Variants in RABGAP1L observed in about 807,000 individuals in gnomAD.
RABGAP1L encodes RAB GTPase activating protein 1 like.
A neutral mutation model predicts 137.7 loss-of-function variants in RABGAP1L; 63 were observed. The ratio of observed to expected loss-of-function variants is 0.46; its 90% CI spans 0.37 to 0.56. RABGAP1L has a LOEUF of 0.56. Ranked by LOEUF, RABGAP1L falls within the 20% of genes least tolerant of loss-of-function variation. RABGAP1L has a pLI of 0.00. For missense variants in RABGAP1L, 1,095 were observed against 1,244.0 expected (o/e 0.88, Z 1.80); for synonymous variants, 431 against 433.7 (o/e 0.99, Z 0.08).
At chr1:174,731,375 C>G (rs112226530) in intron 17 of RABGAP1L, among the ~76,000 whole-genome samples, 68 of 152,318 alleles carry the variant, frequency 4.5e-4, no homozygotes, top group Admixed American at 1.2e-3. Flanking sequence ...ACAGGTTGCA[C>G]TATCATCCTG....
At position 174,171,696 on chromosome 1, in the gene RABGAP1L, T is replaced by TAAA. The variant is rs57052121; in HGVS notation, c.-34+12055_-34+12057dup. Among the ~76,000 whole-genome samples the TAAA allele has an allele frequency of 1.6e-4, 22 of 134,282 alleles. No homozygotes were observed. The East Asian group carries it at 3.7e-3, about 22-fold the overall frequency. The allele number at this position is 134,282 out of a possible 152,430, so 88.1% of individuals were successfully genotyped here. Reference sequence around the variant, plus strand: ...ACTCTTGTTTCTGCGTATTCAGCTTTAAAAAAAAAAAAAAAAAAGGATTTC... The same window carrying TAAA: ...ACTCTTGTTTCTGCGTATTCAGCTTTAAAAAAAAAAAAAAAAAAAAAGGATTTC... On this transcript the variant is annotated intron_variant, in intron 1 of 25. Transcript: ENST00000681986.
At chr1:174,500,252 G>C (rs1280999260) in intron 13 of RABGAP1L, among the ~76,000 whole-genome samples, 1 of 152,034 alleles carries the variant, frequency 6.6e-6, no homozygotes, top group Non-Finnish European at 1.5e-5. Flanking sequence ...GCTAATTTTT[G>C]TATTTTTAGT....
Position 174,761,584 on chromosome 1 carries a change from C to T in RABGAP1L, c.2211+9230C>T, listed in dbSNP as rs541553759. ...CCTAGCAGAGGCGCTCCTCATTTTT[C>T]AGACGGTGCGGCCGCCAGGCAGAGG... is the stretch of plus-strand genomic sequence containing the variant. On this transcript the variant is annotated intron_variant, in intron 18 of 25. Transcript: ENST00000681986. This position sits in a 1 kb window ranked among gnomAD's most constrained non-coding sequence, Gnocchi z 4.0. 1.3e-5 allele frequency among the ~76,000 whole-genome samples: 2 copies of T among 152,168 alleles called. No homozygotes were observed. The highest frequency in any genetic ancestry group is 6.5e-5 in the Admixed American group (1 of 15,282).
At chr1:174,327,980 C>CACACATATATATATATATATAT (rs1680620026) in intron 11 of RABGAP1L, among the ~76,000 whole-genome samples, 1 of 105,940 alleles carries the variant, frequency 9.4e-6, no homozygotes, top group Non-Finnish European at 1.8e-5. Context: ...TATATATATA[C>CACACATATATATATATATATAT]ACACACATAT....
chr1:174,946,936 ATATATGTGTGTGTG>A (rs1189382850), intron 19 of RABGAP1L, among the ~76,000 whole-genome samples: 25 of 65,072 alleles, frequency 3.8e-4, no homozygotes, highest in East Asian at 1.7e-3. Flanking sequence ...ATATATATAT[ATATATGTGTGTGTG>A]TGTGTGTGTG....
chr1:174,857,975 A>G (rs1332041104), intron 19 of RABGAP1L, among the ~76,000 whole-genome samples: 2 of 152,204 alleles, frequency 1.3e-5, no homozygotes, highest in Non-Finnish European at 2.9e-5. Flanking sequence ...GGTGAAAAAC[A>G]ACTCCTCTCT....
At chr1:174,536,701 T>A (rs1664922962) in intron 13 of RABGAP1L, among the ~76,000 whole-genome samples, 1 of 152,186 alleles carries the variant, frequency 6.6e-6, no homozygotes, top group Admixed American at 6.5e-5. Context: ...CTTTTGTGTA[T>A]CATGTTAAAA....
At chr1:174,892,574 G>C in intron 19 of RABGAP1L, 1 of 530,224 alleles carries the variant, frequency 1.9e-6, no homozygotes, top group Non-Finnish European at 3.8e-6. Context: ...GAACTCAAGG[G>C]TGGTATTTAC....
chr1:174,186,872 C>A (rs1666844090), intron 1 of RABGAP1L, among the ~76,000 whole-genome samples: 1 of 152,144 alleles, frequency 6.6e-6, no homozygotes, highest in Admixed American at 6.5e-5. Flanking sequence ...ATATCTTGGT[C>A]TTTCTTTCAT....
rs372609545 is a variant in RABGAP1L, at chr1:174,438,511, A to C, written c.1710+44366A>C. Among the ~76,000 whole-genome samples the C allele has an allele frequency of 1.1e-4, 17 of 151,794 alleles. No homozygotes were observed. The East Asian group carries it at 1.9e-3, about 17-fold the overall frequency. Reference sequence around the variant, plus strand: ...AGGCAGGTGATCACTTGAGTTCAGGAGTTTGAGGCCAGCCTGGTCAACATA... The same window carrying C: ...AGGCAGGTGATCACTTGAGTTCAGGCGTTTGAGGCCAGCCTGGTCAACATA... On this transcript the variant is annotated intron_variant, in intron 13 of 25. Transcript: ENST00000681986.
chr1:174,749,938 C>T (rs1296649128), intron 17 of RABGAP1L, among the ~76,000 whole-genome samples: 4 of 151,980 alleles, frequency 2.6e-5, no homozygotes, highest in South Asian at 2.1e-4. Context: ...AGTGCGATCT[C>T]GGCTCATTGC....
chr1:174,498,597 G>T (rs1660957327), intron 13 of RABGAP1L, among the ~76,000 whole-genome samples: 1 of 151,582 alleles, frequency 6.6e-6, no homozygotes, highest in Non-Finnish European at 1.5e-5. Flanking sequence ...CCTGGGTTCA[G>T]ATAATTCTCC....
At chr1:174,234,028 ATTTTTTCATGTG>A (rs1670925325) in intron 4 of RABGAP1L, among the ~76,000 whole-genome samples, 3 of 136,664 alleles carry the variant, frequency 2.2e-5, no homozygotes, top group Admixed American at 7.0e-5. Context: ...GATGATGAGC[ATTTTTTCATGTG>A]TTTTTTGGCT....
intron 19 of RABGAP1L, among the ~76,000 whole-genome samples, chr1:174,834,385 C>T (rs1247257776): frequency 1.3e-5 from 2 of 148,862 alleles, no homozygotes; most frequent in African/African-American, 4.9e-5. Context: ...AAGATGGCAC[C>T]ATTGCACTCC....
chr1:174,165,199 A>C (rs1280455150), intron 1 of RABGAP1L, among the ~76,000 whole-genome samples: 1 of 152,336 alleles, frequency 6.6e-6, no homozygotes, highest in African/African-American at 2.4e-5. Context: ...CCCAGGCTGG[A>C]GTACAGTGGT....
At chr1:174,816,184 C>G (rs770040483) in intron 19 of RABGAP1L, among the ~76,000 whole-genome samples, 1 of 83,376 alleles carries the variant, frequency 1.2e-5, no homozygotes, top group Non-Finnish European at 2.3e-5. Context: ...TAGAGTTTTG[C>G]TCTTGTTGCC....
intron 11 of RABGAP1L, among the ~76,000 whole-genome samples, chr1:174,333,389 TAC>T (rs1163263926): frequency 6.6e-6 from 1 of 152,212 alleles, no homozygotes; most frequent in Non-Finnish European, 1.5e-5. Flanking sequence ...ATATGATCAT[TAC>T]ACAATGTATA....
intron 13 of RABGAP1L, among the ~76,000 whole-genome samples, chr1:174,469,382 T>G (rs1657652128): frequency 6.6e-6 from 1 of 152,330 alleles, no homozygotes; most frequent in Non-Finnish European, 1.5e-5. Context: ...TTTAAGCCAC[T>G]AATCCAACAT....
chr1:174,478,240 GT>G (rs1359106261), intron 13 of RABGAP1L, among the ~76,000 whole-genome samples: 3 of 150,964 alleles, frequency 2.0e-5, no homozygotes, highest in Admixed American at 1.3e-4. Context: ...TTTTTTTCCT[GT>G]TTTTGTTGTT....
Sources: gnomAD v4.1 joint callset for allele counts (sites outside exome capture counted in the v4.1 genomes callset) on GRCh38, gnomAD v4.1.1 for gene constraint, Gnocchi (gnomAD v3.1) non-coding constraint, MANE v1.5 for transcripts, NCBI Gene and HGNC (gene_info 2026-07-23, HGNC 2026-07-21) for gene names.